Variants in PTPRG observed in about 807,000 individuals in gnomAD.
PTPRG encodes receptor-type tyrosine-protein phosphatase gamma.
A neutral mutation model predicts 165.3 loss-of-function variants in PTPRG; 102 were observed. The ratio of observed to expected loss-of-function variants is 0.62; its 90% CI spans 0.53 to 0.73. The LOEUF is 0.73. Ranked by LOEUF, PTPRG falls within the 30% of genes least tolerant of loss-of-function variation. PTPRG has a pLI of 0.00. For synonymous variants in PTPRG, 675 were observed against 669.5 expected, an observed-to-expected ratio of 1.01 and a Z score of -0.13; for missense variants, 1,866 against 1,861.4, an observed-to-expected ratio of 1.00 and a Z score of -0.05.
chr3:62,129,509 T>C (rs769023922), intron 5 of PTPRG, among the ~76,000 whole-genome samples: 1 of 151,986 alleles, frequency 6.6e-6, no homozygotes, highest in Non-Finnish European at 1.5e-5. Flanking sequence ...TCTTGCTGCA[T>C]TGTAACCATG....
intron 2 of PTPRG, among the ~76,000 whole-genome samples, chr3:61,826,611 T>C (rs2036121316): frequency 6.6e-6 from 1 of 152,114 alleles, no homozygotes; most frequent in African/African-American, 2.4e-5. Flanking sequence ...AATGGCCAGA[T>C]GTTTGGTGTT....
intron 1 of PTPRG, among the ~76,000 whole-genome samples, chr3:61,607,889 G>A (rs1701057165): frequency 6.6e-6 from 1 of 152,176 alleles, no homozygotes; most frequent in Admixed American, 6.5e-5. Flanking sequence ...CTCCAGGCCT[G>A]GCGGGGTTGG....
intron 4 of PTPRG, among the ~76,000 whole-genome samples, chr3:62,026,838 A>C (rs903933143): frequency 1.4e-5 from 2 of 143,440 alleles, no homozygotes; most frequent in Non-Finnish European, 3.0e-5. Context: ...GTAAGCCGAG[A>C]TTGCACTGCT....
intron 5 of PTPRG, among the ~76,000 whole-genome samples, chr3:62,097,069 C>A (rs577511836): frequency 7.1e-4 from 107 of 150,622 alleles, no homozygotes; most frequent in African/African-American, 2.5e-3. Context: ...GTCAGAAACA[C>A]AAAGACACCC....
intron 12 of PTPRG, among the ~76,000 whole-genome samples, chr3:62,211,973 T>G (rs1446423189): frequency 1.3e-5 from 2 of 151,966 alleles, no homozygotes; most frequent in Admixed American, 6.6e-5. Flanking sequence ...TTTTTTTAAT[T>G]TTTTTTTAAA....
In PTPRG at chr3:61,922,396, A is replaced by G. The variant is rs572104038; in HGVS notation, c.191-67229A>G. 2.0e-5 allele frequency among the ~76,000 whole-genome samples: 3 copies of G among 152,338 alleles called. No homozygotes were observed. In the East Asian group the frequency reaches 5.8e-4, roughly 29 times the overall value. ...TGCGCTCTGGTTGGGGAGATGGACA[A>G]GAAAGCTGGCAATAGTAGCAGAGAT... On this transcript the variant is annotated intron_variant, in intron 2 of 29. Transcript: ENST00000474889.
At chr3:61,847,411 T>C (rs1048734529) in intron 2 of PTPRG, among the ~76,000 whole-genome samples, 2 of 152,156 alleles carry the variant, frequency 1.3e-5, no homozygotes, top group Admixed American at 6.5e-5. Flanking sequence ...GACACCTTGA[T>C]CTTGGACTTC....
At position 62,036,688 on chromosome 3, in the gene PTPRG, A is replaced by C. The variant is rs576150086; in HGVS notation, c.519+33191A>C. Among the ~76,000 whole-genome samples the C allele has an allele frequency of 5.3e-5, 8 of 152,344 alleles. No homozygotes were observed. The South Asian group carries it at 1.2e-3, about 24-fold the overall frequency. On this transcript the variant is annotated intron_variant, in intron 4 of 29. Transcript: ENST00000474889. ...GAAGGAAAAAGACAAAAATGTCCCT[A>C]GTGCAATTTTATTGAGATTTTGGTC... is the stretch of plus-strand genomic sequence containing the variant.
chr3:61,848,239 C>T (rs2036860428), intron 2 of PTPRG, among the ~76,000 whole-genome samples: 1 of 152,198 alleles, frequency 6.6e-6, no homozygotes, highest in South Asian at 2.1e-4. Flanking sequence ...TCCATGTTTG[C>T]ACTCTCTCTC....
At chr3:61,667,503 G>A (rs1272081912) in intron 1 of PTPRG, among the ~76,000 whole-genome samples, 1 of 152,092 alleles carries the variant, frequency 6.6e-6, no homozygotes, top group Non-Finnish European at 1.5e-5. Flanking sequence ...TTCCAGCTAC[G>A]ACTCTAAGCA....
chr3:62,058,282 C>T (rs1004608312), intron 4 of PTPRG, among the ~76,000 whole-genome samples: 3 of 152,256 alleles, frequency 2.0e-5, no homozygotes, highest in Admixed American at 1.3e-4. Context: ...AGTTGCCTTA[C>T]GGTGGGAAGG....
intron 1 of PTPRG, among the ~76,000 whole-genome samples, chr3:61,733,246 T>C (rs1360137138): frequency 6.6e-6 from 1 of 152,210 alleles, no homozygotes; most frequent in African/African-American, 2.4e-5. Flanking sequence ...ACTCTGTATA[T>C]TTTGTGAAAT....
At chr3:61,654,542 G>A (rs967730038) in intron 1 of PTPRG, among the ~76,000 whole-genome samples, 1 of 151,870 alleles carries the variant, frequency 6.6e-6, no homozygotes, top group African/African-American at 2.4e-5. Flanking sequence ...GTGCCACCAT[G>A]CTCAGCTAGT....
intron 4 of PTPRG, among the ~76,000 whole-genome samples, chr3:62,020,836 GTTTT>G (rs1323083415): frequency 2.0e-5 from 2 of 101,414 alleles, no homozygotes; most frequent in East Asian, 4.9e-4. Flanking sequence ...CCATGCACAG[GTTTT>G]TTTTGTTTTT....
chr3:61,580,511 A>G (rs1458402220), intron 1 of PTPRG, among the ~76,000 whole-genome samples: 1 of 149,380 alleles, frequency 6.7e-6, no homozygotes, highest in Non-Finnish European at 1.5e-5. Flanking sequence ...TAATTTTTGT[A>G]TTTTTAGTAG....
At chr3:61,840,427 A>G (rs1380167281) in intron 2 of PTPRG, among the ~76,000 whole-genome samples, 6 of 152,208 alleles carry the variant, frequency 3.9e-5, no homozygotes, top group Admixed American at 3.9e-4. Context: ...GGGCAAATGC[A>G]TCTTATTGTT....
intron 2 of PTPRG, among the ~76,000 whole-genome samples, chr3:61,905,345 C>T (rs765518423): frequency 2.0e-5 from 3 of 152,130 alleles, no homozygotes; most frequent in Non-Finnish European, 2.9e-5. Context: ...ATGCGCTTTT[C>T]AGGAGTCACA....
chr3:61,968,792 A>G (rs749719587), intron 2 of PTPRG, among the ~76,000 whole-genome samples: 1 of 152,174 alleles, frequency 6.6e-6, no homozygotes, highest in African/African-American at 2.4e-5. Flanking sequence ...TCTTGATGAT[A>G]TCACTGTATC....
At chr3:62,192,737 C>G (rs1699868808) in intron 9 of PTPRG, among the ~76,000 whole-genome samples, 1 of 152,044 alleles carries the variant, frequency 6.6e-6, no homozygotes, top group South Asian at 2.1e-4. Flanking sequence ...AAGTCTTTGC[C>G]TAAAAACTCA....
Sources: allele counts gnomAD v4.1 joint callset (sites outside exome capture counted in the v4.1 genomes callset), GRCh38; gene constraint gnomAD v4.1.1; transcripts MANE v1.5; gene names NCBI Gene and HGNC (gene_info 2026-07-23, HGNC 2026-07-21).